Variants in CLSTN2 observed in about 807,000 individuals in gnomAD.
The protein encoded by CLSTN2 is calsyntenin-2.
A neutral mutation model predicts 101.2 loss-of-function variants in CLSTN2; 48 were observed. That is an observed-to-expected ratio of 0.47 (90% CI 0.38 to 0.60). The LOEUF (loss-of-function observed/expected upper bound fraction) is 0.60. CLSTN2 is among the 20% of genes least tolerant of loss of function. The probability of loss-of-function intolerance (pLI) is 0.00; values close to 1 mark genes in which losing one functional copy is unlikely to be tolerated. For synonymous variants in CLSTN2, 481 were observed against 463.6 expected (o/e 1.04, Z -0.48); for missense variants, 1,160 against 1,238.2 (o/e 0.94, Z 0.95).
intron 9 of CLSTN2, 98 bp downstream of exon 9, chr3:140,532,584 C>T (rs1332474576): frequency 1.9e-5 from 21 of 1,091,780 alleles, no homozygotes; most frequent in Non-Finnish European, 2.6e-5. Context: ...TGAGAATAGT[C>T]TAGAAAAATT....
intron 1 of CLSTN2, among the ~76,000 whole-genome samples, chr3:140,028,255 C>G (rs956908980): frequency 6.6e-6 from 1 of 152,248 alleles, no homozygotes; most frequent in Non-Finnish European, 1.5e-5. Context: ...GCTGTCCATT[C>G]CCAGCAAGTG....
chr3:140,525,509 C>CTG (rs1449441261), intron 8 of CLSTN2, among the ~76,000 whole-genome samples: 1 of 152,118 alleles, frequency 6.6e-6, no homozygotes, highest in African/African-American at 2.4e-5. Flanking sequence ...CTGCAAAGAA[C>CTG]TGATACCAAT....
intron 5 of CLSTN2, among the ~76,000 whole-genome samples, chr3:140,428,580 A>T (rs1187681830): frequency 6.6e-6 from 1 of 152,062 alleles, no homozygotes; most frequent in Non-Finnish European, 1.5e-5. Flanking sequence ...TTGTCTGCTC[A>T]CCTCATCCGT....
chr3:140,163,778 C>T (rs780113813), intron 1 of CLSTN2, among the ~76,000 whole-genome samples: 2 of 151,354 alleles, frequency 1.3e-5, no homozygotes, highest in Non-Finnish European at 2.9e-5. Context: ...CCAATTCTGC[C>T]GTCCTGCAGG....
chr3:139,975,619 G>A (rs1267223699), intron 1 of CLSTN2, among the ~76,000 whole-genome samples: 2 of 152,156 alleles, frequency 1.3e-5, no homozygotes, highest in Non-Finnish European at 2.9e-5. Flanking sequence ...TGTGAAGATA[G>A]GAATGAAACA....
chr3:140,406,668 T>C (rs2088306081), intron 4 of CLSTN2, among the ~76,000 whole-genome samples: 1 of 152,232 alleles, frequency 6.6e-6, no homozygotes, highest in Admixed American at 6.5e-5. Context: ...GAACAACTTC[T>C]TTGTATTTTT....
chr3:140,075,163 T>C (rs1339308731), intron 1 of CLSTN2, among the ~76,000 whole-genome samples: 3 of 152,228 alleles, frequency 2.0e-5, no homozygotes, highest in African/African-American at 7.2e-5. Flanking sequence ...ATCTTGGCCC[T>C]CTCTAAATTA....
intron 2 of CLSTN2, among the ~76,000 whole-genome samples, chr3:140,355,826 A>G (rs1487603519): frequency 6.6e-6 from 1 of 152,220 alleles, no homozygotes; most frequent in Non-Finnish European, 1.5e-5. Context: ...TCACAGAGAA[A>G]AGAGGCTTTT....
chr3:140,386,860 C>T (rs1365647822), intron 2 of CLSTN2, among the ~76,000 whole-genome samples: 2 of 152,190 alleles, frequency 1.3e-5, no homozygotes, highest in East Asian at 1.9e-4. Flanking sequence ...TATGAACTTA[C>T]ACAAGCAGGT....
chr3:140,265,201 C>G (rs1238207088), intron 2 of CLSTN2, among the ~76,000 whole-genome samples: 1 of 151,234 alleles, frequency 6.6e-6, no homozygotes, highest in Non-Finnish European at 1.5e-5. Flanking sequence ...AATACTCAGG[C>G]CCTCAACCAT....
intron 5 of CLSTN2, among the ~76,000 whole-genome samples, chr3:140,435,386 A>G (rs889662496): frequency 6.6e-6 from 1 of 152,208 alleles, no homozygotes; most frequent in African/African-American, 2.4e-5. Flanking sequence ...TGCTGTTGCA[A>G]ATAACCGGAT....
chr3:140,259,425 G>A (rs1210894039), intron 2 of CLSTN2, among the ~76,000 whole-genome samples: 1 of 152,092 alleles, frequency 6.6e-6, no homozygotes, highest in Admixed American at 6.5e-5. Context: ...AATGAGCTGA[G>A]ATTGCGCCAT....
intron 2 of CLSTN2, among the ~76,000 whole-genome samples, chr3:140,327,566 C>A (rs772322811): frequency 8.5e-5 from 13 of 152,188 alleles, no homozygotes; most frequent in Admixed American, 2.0e-4. Context: ...TCTCAACATG[C>A]TACCTAGTAT....
intron 2 of CLSTN2, among the ~76,000 whole-genome samples, chr3:140,176,308 C>T (rs1247601008): frequency 6.6e-6 from 1 of 152,128 alleles, no homozygotes; most frequent in Non-Finnish European, 1.5e-5. Flanking sequence ...ACCCTTGTTT[C>T]TTCTTCTTCT....
At chr3:140,248,660 TAAC>T (rs1298287127) in intron 2 of CLSTN2, among the ~76,000 whole-genome samples, 1 of 152,194 alleles carries the variant, frequency 6.6e-6, no homozygotes, top group Non-Finnish European at 1.5e-5. Context: ...GGAGGCCTGG[TAAC>T]AACAACTCTA....
chr3:140,246,678 G>A (rs1054098910), intron 2 of CLSTN2, among the ~76,000 whole-genome samples: 1 of 152,164 alleles, frequency 6.6e-6, no homozygotes, highest in Non-Finnish European at 1.5e-5. Context: ...CAACAGAAAT[G>A]GAAAATGTCA....
chr3:140,063,491 A>G (rs1442659976), intron 1 of CLSTN2, among the ~76,000 whole-genome samples: 1 of 152,170 alleles, frequency 6.6e-6, no homozygotes, highest in Non-Finnish European at 1.5e-5. Context: ...AAGCTTTGAT[A>G]TGCATTGCAG....
intron 2 of CLSTN2, among the ~76,000 whole-genome samples, chr3:140,343,235 C>T (rs751290068): frequency 1.3e-5 from 2 of 152,238 alleles, no homozygotes; most frequent in Non-Finnish European, 1.5e-5. Flanking sequence ...AAGAGTGAAA[C>T]GAAAACTACC....
chr3:140,524,859 C>T (rs767053776), intron 8 of CLSTN2, among the ~76,000 whole-genome samples: 6 of 152,124 alleles, frequency 3.9e-5, no homozygotes, highest in Non-Finnish European at 8.8e-5. Context: ...GGGTGAACAA[C>T]AAAATTAAGG....
Sources: gnomAD v4.1 joint callset for allele counts (sites outside exome capture counted in the v4.1 genomes callset) on GRCh38, gnomAD v4.1.1 for gene constraint, MANE v1.5 for transcripts, NCBI Gene and HGNC (gene_info 2026-07-23, HGNC 2026-07-21) for gene names.